Variants in ARHGAP26 observed in about 807,000 individuals in gnomAD.
ARHGAP26 encodes Rho GTPase activating protein 26.
ARHGAP26 carries 38 observed loss-of-function variants against 104.8 expected under a neutral mutation model. The observed-to-expected ratio is 0.36, with a 90% CI of 0.28 to 0.48. The LOEUF (loss-of-function observed/expected upper bound fraction) is 0.48, where lower values mean the gene tolerates loss of function less well. Ranked by LOEUF, ARHGAP26 falls within the 20% of genes least tolerant of loss-of-function variation. The pLI is 0.99. For synonymous variants in ARHGAP26, 341 were observed against 340.0 expected (o/e 1.00, Z -0.03); for missense variants, 704 against 947.9 (o/e 0.74, Z 3.38).
chr5:142,822,740 G>A (rs556836776), intron 1 of ARHGAP26, among the ~76,000 whole-genome samples: 1 of 152,310 alleles, frequency 6.6e-6, no homozygotes, highest in African/African-American at 2.4e-5. Flanking sequence ...GTTGGATTGT[G>A]TGTGCTTCTT....
chr5:143,054,206 G>A (rs939750203), intron 14 of ARHGAP26, among the ~76,000 whole-genome samples: 9 of 152,162 alleles, frequency 5.9e-5, no homozygotes, highest in Admixed American at 2.6e-4. Flanking sequence ...TCTTGCATTT[G>A]TCTCTCCTGC....
At chr5:142,850,046 C>T (rs1313716817) in intron 1 of ARHGAP26, among the ~76,000 whole-genome samples, 1 of 152,146 alleles carries the variant, frequency 6.6e-6, no homozygotes, top group East Asian at 1.9e-4. Flanking sequence ...TCCTTCCCTT[C>T]CTCTGTGGAG....
intron 11 of ARHGAP26, among the ~76,000 whole-genome samples, chr5:142,949,563 T>G (rs1049198974): frequency 2.0e-5 from 3 of 152,180 alleles, no homozygotes; most frequent in Non-Finnish European, 2.9e-5. Context: ...TATTTTTTCT[T>G]TGGCTCAAGA....
intron 11 of ARHGAP26, among the ~76,000 whole-genome samples, chr5:142,994,081 T>C (rs1443656286): frequency 2.0e-5 from 3 of 152,266 alleles, no homozygotes; most frequent in Non-Finnish European, 4.4e-5. Flanking sequence ...CCCTCTGGTC[T>C]ACCAGGATAA....
intron 11 of ARHGAP26, among the ~76,000 whole-genome samples, chr5:143,003,355 A>G (rs1301920426): frequency 1.3e-5 from 2 of 152,210 alleles, no homozygotes; most frequent in African/African-American, 4.8e-5. Context: ...TGCCATAAGG[A>G]TAATTTGCTC....
intron 11 of ARHGAP26, among the ~76,000 whole-genome samples, chr5:143,006,251 A>G (rs188958013): frequency 2.6e-5 from 4 of 151,348 alleles, no homozygotes; most frequent in African/African-American, 9.7e-5. Context: ...CTGAGCACAC[A>G]TCTAGCTTTC....
intron 11 of ARHGAP26, among the ~76,000 whole-genome samples, chr5:142,967,316 G>A (rs1348436437): frequency 1.3e-5 from 2 of 152,110 alleles, no homozygotes; most frequent in Non-Finnish European, 2.9e-5. Flanking sequence ...AGTGTCAAGC[G>A]GTTAGAAGGT....
intron 14 of ARHGAP26, among the ~76,000 whole-genome samples, chr5:143,042,894 T>C (rs1191938080): frequency 6.6e-6 from 1 of 152,220 alleles, no homozygotes; most frequent in African/African-American, 2.4e-5. Flanking sequence ...TTTAAAACTA[T>C]GATTATTTGC....
chr5:142,892,721 G>A (rs1260432969), intron 5 of ARHGAP26, among the ~76,000 whole-genome samples: 1 of 151,818 alleles, frequency 6.6e-6, no homozygotes, highest in Non-Finnish European at 1.5e-5. Flanking sequence ...ATATTTATGG[G>A]GCATGTATAC....
intron 11 of ARHGAP26, among the ~76,000 whole-genome samples, chr5:142,942,344 A>G (rs1766484289): frequency 6.6e-6 from 1 of 152,244 alleles, no homozygotes; most frequent in African/African-American, 2.4e-5. Context: ...ATGGTTACAA[A>G]AGAAAAAATT....
chr5:142,778,508 C>A (rs1455593193), intron 1 of ARHGAP26, among the ~76,000 whole-genome samples: 1 of 152,100 alleles, frequency 6.6e-6, no homozygotes, highest in East Asian at 1.9e-4. Context: ...TCGAGTTGAT[C>A]ATTTGTCTTG....
chr5:143,105,426 A>T (rs977549298), intron 17 of ARHGAP26, among the ~76,000 whole-genome samples: 4 of 127,486 alleles, frequency 3.1e-5, no homozygotes, highest in Admixed American at 8.1e-5. Context: ...AATAAATATA[A>T]AAATAGGTCT....
chr5:143,005,626 C>T (rs1777839475), intron 11 of ARHGAP26, among the ~76,000 whole-genome samples: 1 of 152,132 alleles, frequency 6.6e-6, no homozygotes, highest in East Asian at 1.9e-4. Flanking sequence ...CACTTTTTTC[C>T]CCCAATGTTA....
intron 20 of ARHGAP26, among the ~76,000 whole-genome samples, chr5:143,192,001 T>A (rs1410133255): frequency 6.6e-6 from 1 of 152,238 alleles, no homozygotes; most frequent in Non-Finnish European, 1.5e-5. Context: ...ACCCTTGGTT[T>A]CTGGTAGATC....
At chr5:143,137,806 G>A (rs1047595822) in intron 19 of ARHGAP26, among the ~76,000 whole-genome samples, 5 of 152,164 alleles carry the variant, frequency 3.3e-5, no homozygotes, top group Admixed American at 2.6e-4. Flanking sequence ...GAGACTCCAG[G>A]TGCTGTTGGC....
chr5:143,086,173 C>T (rs1472015192), intron 17 of ARHGAP26, among the ~76,000 whole-genome samples: 1 of 152,128 alleles, frequency 6.6e-6, no homozygotes, highest in East Asian at 1.9e-4. Flanking sequence ...ATGTTTTTCT[C>T]TCCAGAGTAT....
intron 20 of ARHGAP26, among the ~76,000 whole-genome samples, chr5:143,187,518 C>CGGGCTTGTGGAGG (rs1403366242): frequency 6.6e-6 from 1 of 152,188 alleles, no homozygotes; most frequent in Non-Finnish European, 1.5e-5. Context: ...TTGTGTCTGC[C>CGGGCTTGTGGAGG]GGGCTTGTGG....
intron 1 of ARHGAP26, chr5:142,771,163 T>C: frequency 7.7e-7 from 1 of 1,291,048 alleles, no homozygotes; most frequent in Non-Finnish European, 9.8e-7. Context: ...GCGCGGGTGG[T>C]GCTCTGGGGC....
intron 11 of ARHGAP26, among the ~76,000 whole-genome samples, chr5:142,945,861 A>AAT (rs372257317): frequency 2.6e-4 from 39 of 152,210 alleles, no homozygotes; most frequent in African/African-American, 8.9e-4. Flanking sequence ...TTATCTCACT[A>AAT]ATATATATAT....
Sources: allele counts gnomAD v4.1 joint callset (sites outside exome capture counted in the v4.1 genomes callset), GRCh38; gene constraint gnomAD v4.1.1; transcripts MANE v1.5; gene names NCBI Gene and HGNC (gene_info 2026-07-23, HGNC 2026-07-21).